Variants in SYT7 observed in about 807,000 individuals in gnomAD.
SYT7 encodes synaptotagmin-7.
A neutral mutation model predicts 75.1 loss-of-function variants in SYT7; 29 were observed. The observed-to-expected ratio is 0.39, with a 90% CI of 0.29 to 0.53. The LOEUF (loss-of-function observed/expected upper bound fraction) is 0.53. Ranked by LOEUF, SYT7 falls within the 20% of genes least tolerant of loss-of-function variation. The probability of loss-of-function intolerance (pLI) is 0.77; values close to 1 mark genes in which losing one functional copy is unlikely to be tolerated. For synonymous variants in SYT7, 376 were observed against 401.7 expected (o/e 0.94, Z 0.76); for missense variants, 693 against 953.2 (o/e 0.73, Z 3.59).
In SYT7 at chr11:61,520,011, G is replaced by C. The variant is rs544439311; in HGVS notation, c.1957-1280C>G. On this transcript the variant is annotated intron_variant, in intron 12 of 12. Transcript: ENST00000539008. Reference sequence around the variant, plus strand: ...AATTTTTGTATTTTTAGTAGAGATGGGTTTCACTATGTTGGGCAAACTGGT... The same window carrying C: ...AATTTTTGTATTTTTAGTAGAGATGCGTTTCACTATGTTGGGCAAACTGGT... 3.0e-3 allele frequency among the ~76,000 whole-genome samples: 419 copies of C among 139,556 alleles called. 2 individuals carry two copies. Among genetic ancestry groups the C allele is most frequent in the African/African-American group, 0.01 (404 of 39,750 alleles). 91.6% of individuals were successfully genotyped at this position (139,556 alleles called of 152,430 possible).
intron 5 of SYT7, among the ~76,000 whole-genome samples, chr11:61,544,573 G>A (rs1029571536): frequency 7.2e-5 from 11 of 152,150 alleles, no homozygotes; most frequent in Non-Finnish European, 1.3e-4. Flanking sequence ...GCAGAGGGAG[G>A]GCGGCACATT....
Position 61,542,373 on chromosome 11 carries a change from G to A in SYT7, c.779C>T (p.Pro260Leu). 6.5e-7 allele frequency: 1 copy of A among 1,530,564 alleles called. No homozygotes were observed. Among genetic ancestry groups the A allele is most frequent in the Non-Finnish European group, 8.7e-7 (1 of 1,144,398 alleles). The allele number at this position is 1,530,564 out of a possible 1,614,324, so 94.8% of individuals were successfully genotyped here. ...GCCATAGGCCCGGGGGTTGGGGCCTGGTGCCGAGGCCATGTGGGCCTGCAG... is the reference window on the plus strand; with the variant it reads ...GCCATAGGCCCGGGGGTTGGGGCCTAGTGCCGAGGCCATGTGGGCCTGCAG... ...GQLQAHMASA[P>L]GPNPRAYGRG... Residue 260 changes from proline to leucine, a missense_variant, in exon 6 of 13, where the codon CCA (proline) becomes CTA (leucine). Physicochemically the swap from Pro to Leu is moderately conservative, Grantham distance 98. This residue lies in a region of SYT7 where 487 missense variants were observed against 593.2 expected (regional missense o/e 0.82). Coordinates refer to ENST00000539008, the MANE Select transcript of SYT7 (RefSeq NM_001365809.2). This position sits in a 1 kb window ranked among gnomAD's most constrained non-coding sequence, Gnocchi z 7.8.
At chr11:61,562,676 C>T (rs1386223549) in intron 1 of SYT7, among the ~76,000 whole-genome samples, 2 of 152,124 alleles carry the variant, frequency 1.3e-5, no homozygotes, top group African/African-American at 4.8e-5. Context: ...CCTCCCAGGA[C>T]CTGCAGGGCT....
chr11:61,539,501 AGG>A (rs765016895), intron 6 of SYT7: 1 of 151,842 alleles, frequency 6.6e-6, no homozygotes, highest in Non-Finnish European at 1.5e-5. Context: ...ACAAAAGGAG[AGG>A]GAGGGGTTCT....
At chr11:61,543,033 T>C (rs1017080890) in intron 5 of SYT7, among the ~76,000 whole-genome samples, 80 of 152,320 alleles carry the variant, frequency 5.3e-4, no homozygotes, top group Admixed American at 7.8e-4. Context: ...CTCTGTGTTC[T>C]AAGTACTGGC....
At chr11:61,583,060 C>G (rs1184875922), upstream of SYT7, among the ~76,000 whole-genome samples, 1 of 151,826 alleles carries the variant, frequency 6.6e-6, no homozygotes, top group East Asian at 1.9e-4. Flanking sequence ...GACCCCATAT[C>G]TACAAAGAAA....
chr11:61,562,011 T>C (rs1343137910), intron 1 of SYT7, among the ~76,000 whole-genome samples: 2 of 151,502 alleles, frequency 1.3e-5, no homozygotes, highest in African/African-American at 2.4e-5. Flanking sequence ...CAAGTGTGTG[T>C]GCGCGCATGC....
Position 61,524,053 on chromosome 11 carries a change from G to T in SYT7, c.1642-112C>A. ...GACCTTGGTGCTTACCCATGCCCCT[G>T]TCTGTCACCTCTGTCTCACTCTGTC... On this transcript the variant is annotated intron_variant, in intron 10 of 12. Transcript: ENST00000539008. The surrounding 1 kb of genome is among the most constrained non-coding windows in gnomAD (Gnocchi z 4.1). 1.0e-6 allele frequency: 1 copy of T among 971,936 alleles called. No individual in the cohort carries two copies. 60.2% of individuals were successfully genotyped at this position (971,936 alleles called of 1,614,324 possible). A position where few individuals can be genotyped will look rare whatever the true frequency, so the allele number is the denominator to read the frequency against.
intron 8 of SYT7, 62 bp from the exon 9 acceptor site, chr11:61,528,247 C>G: frequency 1.3e-6 from 2 of 1,572,912 alleles, no homozygotes; most frequent in African/African-American, 1.3e-5. Flanking sequence ...ATGTCCCCAC[C>G]GCTGGCTAGC....
rs1156293590 is a variant in SYT7 at position 61,523,228 on chromosome 11, C to T, written c.1803G>A (p.Glu601=). The change falls in exon 12 of 13, where the codon GAG becomes GAA. Residue 601 remains glutamate (E), a synonymous_variant. Coordinates refer to ENST00000539008, the MANE Select transcript of SYT7 (RefSeq NM_001365809.2). This position sits in a 1 kb window ranked among gnomAD's most constrained non-coding sequence, Gnocchi z 5.0. ...TCTTCATCGTCACCGTCTTCTTCTT[C>T]TCCACCCGCTTGTCCTTGTACATCA... is the stretch of plus-strand genomic sequence containing the variant. The part of the protein sequence containing the change: ...VWLMYKDKRV[E]KKKTVTMKRN... 6.2e-7 allele frequency: 1 copy of T among 1,614,170 alleles called. No homozygotes were observed. The highest frequency in any genetic ancestry group is 1.1e-5 in the South Asian group (1 of 91,080).
Position 61,580,025 on chromosome 11 carries a change from G to A in SYT7, c.31+765C>T, listed in dbSNP as rs1045446106. On this transcript the variant is annotated intron_variant, in intron 1 of 12. Coordinates refer to ENST00000539008, the MANE Select transcript of SYT7 (RefSeq NM_001365809.2). This position sits in a 1 kb window ranked among gnomAD's most constrained non-coding sequence, Gnocchi z 6.1. ...GGGAAGATTCTTCGGCTTTGGCTTA[G>A]AGGATACCAAGCAGACAGTGGGCTC... Among the ~76,000 whole-genome samples the A allele has an allele frequency of 6.6e-6, 1 of 152,166 alleles. No homozygotes were observed. Among genetic ancestry groups the A allele is most frequent in the African/African-American group, 2.4e-5 (1 of 41,438 alleles).
Position 61,523,401 on chromosome 11 carries a change from C to T in SYT7, c.1757-127G>A. 1 of 900,534 alleles carries T rather than the reference C, an allele frequency of 1.1e-6. No homozygotes were observed. The highest frequency in any genetic ancestry group is 1.7e-6 in the Non-Finnish European group (1 of 576,006). The allele number at this position is 900,534 out of a possible 1,614,324, so 55.8% of individuals were successfully genotyped here. ...TGCTTTCCCCAGAGGCAAGGAAAGA[C>T]CCAGGCAAGAACAAGAGGGACCTGG... On this transcript the variant is annotated intron_variant, in intron 11 of 12. Transcript: ENST00000539008. The surrounding 1 kb of genome is among the most constrained non-coding windows in gnomAD (Gnocchi z 5.0).
At chr11:61,531,172 A>G (rs755122596) in intron 8 of SYT7, 28 of 979,148 alleles carry the variant, frequency 2.9e-5, no homozygotes, top group Non-Finnish European at 3.3e-5. Flanking sequence ...AACATCAACG[A>G]CCTAGCATTG....
At chr11:61,566,560 AAGCTGATG>A (rs1565205495) in intron 1 of SYT7, among the ~76,000 whole-genome samples, 3 of 152,164 alleles carry the variant, frequency 2.0e-5, no homozygotes, top group Non-Finnish European at 4.4e-5. Context: ...CTTGATCCCA[AAGCTGATG>A]AGCCACCTGA....
At chr11:61,547,667 A>G (rs958471301) in intron 3 of SYT7, among the ~76,000 whole-genome samples, 4 of 142,500 alleles carry the variant, frequency 2.8e-5, no homozygotes, top group Admixed American at 7.0e-5. Context: ...AGAGGGGAGA[A>G]GGGTTGGGGA....
intron 2 of SYT7, among the ~76,000 whole-genome samples, chr11:61,555,536 G>A (rs183818649): frequency 4.5e-4 from 69 of 152,318 alleles, no homozygotes; most frequent in African/African-American, 1.6e-3. Context: ...GACTAATCCT[G>A]CTCGTTAATT....
Position 61,524,213 on chromosome 11 carries a change from G to C in SYT7, c.1641+150C>G. On this transcript the variant is annotated intron_variant, in intron 10 of 12. Transcript: ENST00000539008. This position sits in a 1 kb window ranked among gnomAD's most constrained non-coding sequence, Gnocchi z 4.1. The stretch of plus-strand genomic sequence containing the variant: ...AGTGCCAAGCACCAATGTTCTGACT[G>C]CTAGCGAGGGCTGAGCTCCATCGGG... 1 of 953,986 alleles carries C rather than the reference G, an allele frequency of 1.0e-6. No individual in the cohort carries two copies. Among genetic ancestry groups the C allele is most frequent in the Non-Finnish European group, 1.5e-6 (1 of 652,742 alleles). 59.1% of individuals were successfully genotyped at this position (953,986 alleles called of 1,614,324 possible).
chr11:61,558,511 C>T (rs574541474), intron 1 of SYT7, among the ~76,000 whole-genome samples: 15 of 150,104 alleles, frequency 1.0e-4, no homozygotes, highest in Admixed American at 6.6e-4. Context: ...CACATACACA[C>T]ACACACACAC....
the SYT7 span, among the ~76,000 whole-genome samples, chr11:61,587,506 A>G: frequency 6.6e-6 from 1 of 152,258 alleles, no homozygotes; most frequent in South Asian, 2.1e-4. Context: ...GTGAGAGGGC[A>G]GGAGCCAGAA....
Sources: allele counts gnomAD v4.1 joint callset (sites outside exome capture counted in the v4.1 genomes callset), GRCh38; gene constraint gnomAD v4.1.1; regional missense constraint gnomAD v4.1.1; non-coding constraint Gnocchi (gnomAD v3.1); transcripts MANE v1.5; gene names NCBI Gene and HGNC (gene_info 2026-07-23, HGNC 2026-07-21).